Variants in PRORP observed in about 807,000 individuals in gnomAD.
The protein encoded by PRORP is mitochondrial ribonuclease P catalytic subunit.
Under a neutral mutation model 59.4 loss-of-function variants are expected in PRORP, and 51 were observed. That is an observed-to-expected ratio of 0.86 (90% confidence interval 0.69 to 1.08). The LOEUF (loss-of-function observed/expected upper bound fraction) is 1.08, where lower values mean the gene tolerates loss of function less well. PRORP is among the 50% of genes least tolerant of loss of function. The pLI is 0.00. For synonymous variants in PRORP, 231 were observed against 245.6 expected, an observed-to-expected ratio of 0.94 and a Z score of 0.55; for missense variants, 646 against 690.3, an observed-to-expected ratio of 0.94 and a Z score of 0.72.
At chr14:35,157,818 T>G (rs945597586) in intron 4 of PRORP, 1 of 154,326 alleles carries the variant, frequency 6.5e-6, no homozygotes, top group East Asian at 1.9e-4. Flanking sequence ...CTGGTGCAAA[T>G]TGGTCAAATG....
In PRORP at chr14:35,180,663, TTA is replaced by T. The variant is rs2048581450; in HGVS notation, c.1168-5_1168-4del. The T allele has an allele frequency of 6.4e-7, 1 of 1,562,694 alleles. No homozygotes were observed. The highest frequency in any genetic ancestry group is 8.8e-7 in the Non-Finnish European group (1 of 1,135,566). On this transcript the variant is annotated splice_region_variant and splice_polypyrimidine_tract_variant and intron_variant, in intron 4 of 7. Transcript: ENST00000534898. ...TATTAATGTTTTGTCTGACATTTCT[TTA>T]TTAGGAACTTAAGAGATTTGAGAAC...
At chr14:35,246,270 T>C (rs1316896125) in intron 5 of PRORP, among the ~76,000 whole-genome samples, 1 of 152,160 alleles carries the variant, frequency 6.6e-6, no homozygotes, top group Non-Finnish European at 1.5e-5. Flanking sequence ...TCGTTGGTTA[T>C]TTTGTTGATG....
At chr14:35,162,734 C>T (rs762122270) in intron 4 of PRORP, among the ~76,000 whole-genome samples, 79 of 151,984 alleles carry the variant, frequency 5.2e-4, no homozygotes, top group Non-Finnish European at 8.1e-4. Flanking sequence ...AGCCAACAAA[C>T]ACAAAAAACT....
At chr14:35,174,296 T>C (rs952023995) in intron 4 of PRORP, among the ~76,000 whole-genome samples, 2 of 152,158 alleles carry the variant, frequency 1.3e-5, no homozygotes, top group Non-Finnish European at 2.9e-5. Flanking sequence ...TGGGTATTTA[T>C]CTAGAATTTA....
At chr14:35,266,505 C>CA (rs1220539443) in intron 5 of PRORP, among the ~76,000 whole-genome samples, 2 of 152,002 alleles carry the variant, frequency 1.3e-5, no homozygotes, top group African/African-American at 2.4e-5. Flanking sequence ...AAGAAACCCC[C>CA]CCCTGCAATG....
chr14:35,249,250 A>G (rs1436675387), intron 5 of PRORP, among the ~76,000 whole-genome samples: 1 of 152,124 alleles, frequency 6.6e-6, no homozygotes, highest in African/African-American at 2.4e-5. Context: ...CAAGCCCCAA[A>G]TTACCATGAG....
intron 4 of PRORP, among the ~76,000 whole-genome samples, chr14:35,135,764 C>G (rs1269178540): frequency 3.3e-5 from 5 of 151,976 alleles, no homozygotes; most frequent in Non-Finnish European, 7.4e-5. Context: ...TTGAGACCAG[C>G]CTGGGCAATA....
At position 35,273,322 on chromosome 14, in the gene PRORP, T is replaced by C. The variant is rs1594367189; in HGVS notation, c.1621-113T>C. 1.5e-5 allele frequency: 15 copies of C among 976,448 alleles called. No individual in the cohort carries two copies. In the South Asian group the frequency reaches 2.8e-4, roughly 18 times the overall value. 60.5% of individuals were successfully genotyped at this position (976,448 alleles called of 1,614,324 possible). A position where few individuals can be genotyped will look rare whatever the true frequency, so the allele number is the denominator to read the frequency against. On this transcript the variant is annotated intron_variant, in intron 7 of 7. Coordinates refer to ENST00000534898, the MANE Select transcript of PRORP (RefSeq NM_014672.4). The stretch of plus-strand genomic sequence containing the variant: ...TTTGAAAATCCATTATTAAGTGAGA[T>C]AATCCATTATCAATACTCTTCTGGA...
At chr14:35,268,156 T>C (rs1334854928) in intron 6 of PRORP, among the ~76,000 whole-genome samples, 1 of 151,980 alleles carries the variant, frequency 6.6e-6, no homozygotes, top group Non-Finnish European at 1.5e-5. Flanking sequence ...GAGACCAGCC[T>C]GGCCAACATA....
In PRORP at chr14:35,191,624, G is replaced by A. The variant is rs1242853687; in HGVS notation, c.1275+10847G>A. Among the ~76,000 whole-genome samples the A allele has an allele frequency of 4.6e-5, 7 of 152,084 alleles. No individual in the cohort carries two copies. In the East Asian group the frequency reaches 1.2e-3, roughly 25 times the overall value. The stretch of plus-strand genomic sequence containing the variant: ...AGGCTGAGGCAGGAGGATTGCTTGA[G>A]CCCAGGAATTCGAGGCTGCAGTGAG... On this transcript the variant is annotated intron_variant, in intron 5 of 7. Coordinates refer to ENST00000534898, the MANE Select transcript of PRORP (RefSeq NM_014672.4).
rs1594367250 is a variant in PRORP, at chr14:35,273,364, T to A, written c.1621-71T>A. The stretch of plus-strand genomic sequence containing the variant: ...TCTTCTGGAGCAAACTTGAGAAGTG[T>A]CAGAAAGAGAAATGGCCAAGTAGCC... On this transcript the variant is annotated intron_variant, in intron 7 of 7. Coordinates refer to ENST00000534898, the MANE Select transcript of PRORP (RefSeq NM_014672.4). The A allele has an allele frequency of 2.8e-6, 4 of 1,449,880 alleles. No individual in the cohort carries two copies. In the African/African-American group the frequency reaches 4.3e-5, roughly 16 times the overall value. The allele number at this position is 1,449,880 out of a possible 1,614,324, so 89.8% of individuals were successfully genotyped here. A position where few individuals can be genotyped will look rare whatever the true frequency, so the allele number is the denominator to read the frequency against.
intron 4 of PRORP, among the ~76,000 whole-genome samples, chr14:35,153,141 A>G (rs949655851): frequency 6.6e-6 from 1 of 152,252 alleles, no homozygotes; most frequent in East Asian, 1.9e-4. Flanking sequence ...CAATCCCGGC[A>G]CCTCGGGAGG....
Position 35,206,078 on chromosome 14 carries a change from A to G in PRORP, c.1275+25301A>G, listed in dbSNP as rs189984578. 1.4e-3 allele frequency among the ~76,000 whole-genome samples: 211 copies of G among 152,324 alleles called. 1 individual carries two copies. The highest frequency in any genetic ancestry group is 2.7e-3 in the East Asian group (14 of 5,188). On this transcript the variant is annotated intron_variant, in intron 5 of 7. Coordinates refer to ENST00000534898, the MANE Select transcript of PRORP (RefSeq NM_014672.4). ...GTTTGGCATGTCATAGGTACAAAAAAAAATGTTGAATGAATATTTGACTTG... is the reference window on the plus strand; with the variant it reads ...GTTTGGCATGTCATAGGTACAAAAAGAAATGTTGAATGAATATTTGACTTG...
intron 3 of PRORP, 121 bp downstream of exon 3, chr14:35,126,903 T>C (rs1194474411): frequency 1.4e-6 from 1 of 726,906 alleles, no homozygotes. Flanking sequence ...GTAATTAGAG[T>C]ATCTGAGGAA....
At chr14:35,164,433 C>T (rs1364075160) in intron 4 of PRORP, among the ~76,000 whole-genome samples, 1 of 152,212 alleles carries the variant, frequency 6.6e-6, no homozygotes, top group Non-Finnish European at 1.5e-5. Flanking sequence ...TGGTACTATA[C>T]ACCATGGAAT....
At chr14:35,148,185 G>T (rs1308659235) in intron 4 of PRORP, among the ~76,000 whole-genome samples, 2 of 152,150 alleles carry the variant, frequency 1.3e-5, no homozygotes, top group South Asian at 4.1e-4. Flanking sequence ...AAAGTTTTCC[G>T]TTGACTTTGC....
At position 35,272,535 on chromosome 14, in the gene PRORP, TGAA is replaced by T. The variant is rs2051219547; in HGVS notation, c.1621-896_1621-894del. 2.0e-5 allele frequency among the ~76,000 whole-genome samples: 3 copies of T among 152,220 alleles called. No homozygotes were observed. In the South Asian group the frequency reaches 6.2e-4, roughly 31 times the overall value. On this transcript the variant is annotated intron_variant, in intron 7 of 7. Coordinates refer to ENST00000534898, the MANE Select transcript of PRORP (RefSeq NM_014672.4). ...ATACCATAGTGATTCAAGATATAGT[TGAA>T]GAACTATTAATTCTTAAGTATAATA... is the stretch of plus-strand genomic sequence containing the variant.
intron 5 of PRORP, among the ~76,000 whole-genome samples, chr14:35,257,197 A>G (rs2050783171): frequency 6.6e-6 from 1 of 152,168 alleles, no homozygotes; most frequent in Non-Finnish European, 1.5e-5. Flanking sequence ...TTATTGTTGT[A>G]AAATATATTA....
intron 5 of PRORP, among the ~76,000 whole-genome samples, chr14:35,240,294 C>CTTTTT (rs3058452): frequency 2.2e-4 from 24 of 109,304 alleles, no homozygotes; most frequent in Middle Eastern, 5.5e-3. Context: ...TTTAAACCAT[C>CTTTTT]TTTTTTTTTT....
Sources: gnomAD v4.1 joint callset for allele counts (sites outside exome capture counted in the v4.1 genomes callset) on GRCh38, gnomAD v4.1.1 for gene constraint, MANE v1.5 for transcripts, NCBI Gene and HGNC (gene_info 2026-07-23, HGNC 2026-07-21) for gene names.